The following DLGAP2 variants were observed in gnomAD, a reference collection of about 807,000 sequenced individuals.
DLGAP2 encodes the protein DLG associated protein 2.
A neutral mutation model predicts 100.3 loss-of-function variants in DLGAP2; 26 were observed. The ratio of observed to expected loss-of-function variants is 0.26; its 90% CI spans 0.19 to 0.36. The LOEUF (loss-of-function observed/expected upper bound fraction) is 0.36. Ranked by LOEUF, DLGAP2 falls within the 10% of genes least tolerant of loss-of-function variation. The pLI, the probability that DLGAP2 is intolerant of heterozygous loss-of-function variation, is 1.00. For missense variants in DLGAP2, 1,858 were observed against 1,453.2 expected, an observed-to-expected ratio of 1.28 and a Z score of -4.53; for synonymous variants, 886 against 630.1, an observed-to-expected ratio of 1.41 and a Z score of -6.08.
chr8:1,253,095 G>A (rs572905606), intron 2 of DLGAP2, among the ~76,000 whole-genome samples: 22 of 152,174 alleles, frequency 1.4e-4, no homozygotes, highest in Admixed American at 3.9e-4. Context: ...GCCTGTCCCC[G>A]CGTGGCTTCC....
At chr8:1,392,944 A>C (rs1201744610) in intron 3 of DLGAP2, among the ~76,000 whole-genome samples, 1 of 113,776 alleles carries the variant, frequency 8.8e-6, no homozygotes, top group Non-Finnish European at 1.8e-5. Context: ...ATTCCCCCCA[A>C]ATGGAGACAG....
At chr8:1,513,418 C>G (rs4875870) in intron 4 of DLGAP2, among the ~76,000 whole-genome samples, 148,057 of 149,488 alleles carry the variant, frequency 0.99, 73,317 homozygotes, top group East Asian at 1. Context: ...GCCAGCCCCA[C>G]GGAGGCTCGG....
At chr8:1,026,781 T>C (rs987817187) in intron 2 of DLGAP2, among the ~76,000 whole-genome samples, 4 of 152,240 alleles carry the variant, frequency 2.6e-5, no homozygotes, top group African/African-American at 9.6e-5. Flanking sequence ...GTGCTACGTA[T>C]TCTATGCTTT....
chr8:822,475 A>G (rs759464800), intron 1 of DLGAP2, among the ~76,000 whole-genome samples: 15 of 152,144 alleles, frequency 9.9e-5, no homozygotes, highest in African/African-American at 3.6e-4. Flanking sequence ...AAAACTTCTC[A>G]TGCGCACAGT....
intron 3 of DLGAP2, among the ~76,000 whole-genome samples, chr8:1,269,131 G>A (rs889166784): frequency 5.9e-5 from 9 of 152,176 alleles, no homozygotes; most frequent in Admixed American, 1.3e-4. Flanking sequence ...CCCCTTCATC[G>A]GTGGGCCCGT....
rs1799577852 is a variant in DLGAP2, at chr8:1,701,735, T to C, written c.*329T>C. ...AATGCCTCTGGAGCTGGAACCCAGC[T>C]TACATTTTGTTATTTCTATTTTTAT... On this transcript the variant is annotated 3_prime_UTR_variant, in exon 15 of 15. Transcript: ENST00000637795. 1 of 365,822 alleles carries C rather than the reference T, an allele frequency of 2.7e-6. No individual in the cohort carries two copies. Among genetic ancestry groups the C allele is most frequent in the South Asian group, 8.4e-5 (1 of 11,884 alleles). The allele number at this position is 365,822 out of a possible 1,614,324, so 22.7% of individuals were successfully genotyped here.
chr8:1,327,245 A>G (rs1801043019), intron 3 of DLGAP2, among the ~76,000 whole-genome samples: 1 of 152,236 alleles, frequency 6.6e-6, no homozygotes, highest in South Asian at 2.1e-4. Flanking sequence ...CTAAGTGACC[A>G]ACCAGGGTCC....
chr8:1,064,060 G>T (rs988874584), intron 2 of DLGAP2, among the ~76,000 whole-genome samples: 16 of 151,816 alleles, frequency 1.1e-4, no homozygotes, highest in African/African-American at 2.9e-4. Flanking sequence ...GGGGTTTGCA[G>T]CCCAGGGCAG....
At position 1,704,204 on chromosome 8, in the gene DLGAP2, A is replaced by G. The variant is rs1025945863; in HGVS notation, c.*2798A>G. The G allele has an allele frequency of 2.6e-5, 4 of 152,554 alleles. No homozygotes were observed. The highest frequency in any genetic ancestry group is 5.9e-5 in the Non-Finnish European group (4 of 68,052). 9.5% of individuals were successfully genotyped at this position (152,554 alleles called of 1,614,324 possible). On this transcript the variant is annotated 3_prime_UTR_variant, in exon 15 of 15. Transcript: ENST00000637795. ...GTGACCATTTCGTCATATTTAAAAT[A>G]TAACTTCAAGAAAAGAGTAAACATC...
intron 2 of DLGAP2, among the ~76,000 whole-genome samples, chr8:1,184,125 C>T (rs1337662020): frequency 2.0e-5 from 3 of 152,188 alleles, no homozygotes; most frequent in African/African-American, 7.2e-5. Context: ...TGTTTAAAGC[C>T]ACTTGATGTC....
At position 759,440 on chromosome 8, in the gene DLGAP2, G is replaced by A. The variant is rs904629134; in HGVS notation, c.18+21615G>A. On this transcript the variant is annotated intron_variant, in intron 1 of 14. Transcript: ENST00000637795. ...GTTTCCAGGGTTGGGACACGTTCCC[G>A]GGGTTGGGACGGGTATGCACAGGTG... 7.3e-5 allele frequency among the ~76,000 whole-genome samples: 11 copies of A among 151,122 alleles called. 1 individual carries two copies. The highest frequency in any genetic ancestry group is 2.0e-4 in the East Asian group (1 of 5,110).
chr8:1,305,665 T>C (rs1585242486), intron 3 of DLGAP2, among the ~76,000 whole-genome samples: 1 of 152,332 alleles, frequency 6.6e-6, no homozygotes, highest in Non-Finnish European at 1.5e-5. Context: ...CCATAAACAC[T>C]GCAGGCCTCC....
At chr8:1,384,122 T>C (rs902398857) in intron 3 of DLGAP2, among the ~76,000 whole-genome samples, 1 of 152,252 alleles carries the variant, frequency 6.6e-6, no homozygotes, top group Non-Finnish European at 1.5e-5. Flanking sequence ...TCAGAATTCA[T>C]TAGGTTACTA....
rs373715666 is a variant in DLGAP2 at position 1,191,263 on chromosome 8, C to T, written c.74-67588C>T. The stretch of plus-strand genomic sequence containing the variant: ...CTCGGCTCACTGCAGCTCCACCTCC[C>T]GGGTTCAGGCCATTCTCCTGCCTCA... On this transcript the variant is annotated intron_variant, in intron 2 of 14. Coordinates refer to ENST00000637795, the MANE Select transcript of DLGAP2 (RefSeq NM_001346810.2). 8.6e-5 allele frequency among the ~76,000 whole-genome samples: 13 copies of T among 151,422 alleles called. No individual in the cohort carries two copies. The East Asian group carries it at 2.1e-3, about 25-fold the overall frequency.
At chr8:1,379,238 A>G (rs915234316) in intron 3 of DLGAP2, among the ~76,000 whole-genome samples, 3 of 152,362 alleles carry the variant, frequency 2.0e-5, no homozygotes, top group South Asian at 2.1e-4. Flanking sequence ...GCTCACGTCC[A>G]TGCAGTGCCG....
chr8:890,590 C>T (rs998531968), intron 1 of DLGAP2, among the ~76,000 whole-genome samples: 5 of 152,064 alleles, frequency 3.3e-5, no homozygotes, highest in South Asian at 4.2e-4. Flanking sequence ...TCTGCGGCTG[C>T]GTAATTCCTC....
intron 2 of DLGAP2, among the ~76,000 whole-genome samples, chr8:1,166,638 A>T (rs7827800): frequency 5.9e-5 from 9 of 152,206 alleles, no homozygotes; most frequent in African/African-American, 1.7e-4. Context: ...TCTCCTGTCA[A>T]TGCCGCATAA....
At chr8:883,982 A>G (rs1346044838) in intron 1 of DLGAP2, among the ~76,000 whole-genome samples, 2 of 152,186 alleles carry the variant, frequency 1.3e-5, no homozygotes, top group Admixed American at 1.3e-4. Flanking sequence ...TTTGCTTTTT[A>G]TAGCTGCATA....
At chr8:1,161,544 C>A (rs904394165) in intron 2 of DLGAP2, among the ~76,000 whole-genome samples, 6 of 152,216 alleles carry the variant, frequency 3.9e-5, no homozygotes, top group African/African-American at 1.4e-4. Flanking sequence ...AGCAGACACA[C>A]ACTCACATTT....
Sources: allele counts gnomAD v4.1 joint callset (sites outside exome capture counted in the v4.1 genomes callset), GRCh38; gene constraint gnomAD v4.1.1; transcripts MANE v1.5; gene names NCBI Gene and HGNC (gene_info 2026-07-23, HGNC 2026-07-21).